The following SYN1 variants were observed in gnomAD, a reference collection of about 807,000 sequenced individuals.
The protein encoded by SYN1 is synapsin I.
In SYN1, 8 loss-of-function variants were observed where a neutral mutation model predicts 44.6. The observed-to-expected ratio is 0.18, with a 90% CI of 0.11 to 0.32. SYN1 has a LOEUF of 0.32. SYN1 is among the 10% of genes least tolerant of loss of function. SYN1 has a pLI of 1.00. For missense variants in SYN1, 451 were observed against 639.4 expected, an observed-to-expected ratio of 0.71 and a Z score of 3.18; for synonymous variants, 275 against 280.1, an observed-to-expected ratio of 0.98 and a Z score of 0.18.
intron 5 of SYN1, among the ~76,000 whole-genome samples, chrX:47,591,582 G>A (rs917317059): frequency 9.1e-6 from 1 of 110,294 alleles, no homozygotes; most frequent in African/African-American, 3.3e-5. Context: ...TTAGCTGGGT[G>A]TGGTGGGATG....
intron 12 of SYN1, 34 bp from the exon 13 acceptor site, chrX:47,573,033 G>A: frequency 8.3e-7 from 1 of 1,208,213 alleles, no homozygotes; most frequent in Non-Finnish European, 1.1e-6. Flanking sequence ...GTGGGAGGAA[G>A]GGGGAAGAGG....
chrX:47,604,137 G>A (rs1290636148), intron 5 of SYN1, among the ~76,000 whole-genome samples: 2 of 110,323 alleles, frequency 1.8e-5, no homozygotes, highest in Non-Finnish European at 3.8e-5. Flanking sequence ...TCAAACTCCC[G>A]ACCTCAGGTG....
At chrX:47,611,836 G>A (rs963273170) in intron 1 of SYN1, among the ~76,000 whole-genome samples, 2 of 111,542 alleles carry the variant, frequency 1.8e-5, no homozygotes, top group African/African-American at 6.5e-5. Context: ...AGTGGTCCAG[G>A]GCAGTAAACC....
chrX:47,575,479 G>A (rs2057774778), intron 9 of SYN1, among the ~76,000 whole-genome samples: 1 of 112,141 alleles, frequency 8.9e-6, no homozygotes, highest in Admixed American at 9.4e-5. Context: ...AGCAAATTAG[G>A]GCCCATGGGC....
intron 1 of SYN1, among the ~76,000 whole-genome samples, chrX:47,613,131 CAAAAAAAAAAAAAAA>C (rs752216661): frequency 2.7e-5 from 1 of 37,381 alleles, no homozygotes; most frequent in African/African-American, 1.1e-4. Flanking sequence ...ACTCCGTCTC[CAAAAAAAAAAAAAAA>C]AAAAAAAAAA....
intron 6 of SYN1, 77 bp downstream of exon 6, chrX:47,577,362 G>C: frequency 9.5e-7 from 1 of 1,056,113 alleles, no homozygotes; most frequent in Non-Finnish European, 1.3e-6. Flanking sequence ...CACCCCAGGA[G>C]ACGCGATCAC....
At chrX:47,606,033 C>T in intron 3 of SYN1, among the ~76,000 whole-genome samples, 1 of 109,995 alleles carries the variant, frequency 9.1e-6, no homozygotes, top group Non-Finnish European at 1.9e-5. Context: ...GCTGGGATTA[C>T]AGGCACCTGC....
intron 5 of SYN1, chrX:47,586,381 G>T: frequency 9.3e-7 from 1 of 1,080,808 alleles, no homozygotes; most frequent in Non-Finnish European, 1.2e-6. Context: ...CAATGGGAGG[G>T]GCTGTCCTGG....
chrX:47,585,767 T>G lies in SYN1; in HGVS notation c.775-8266A>C, dbSNP rs58842173. On this transcript the variant is annotated intron_variant, in intron 5 of 12. Coordinates refer to ENST00000295987, the MANE Select transcript of SYN1 (RefSeq NM_006950.3). ...GCTCCCTCTGGCTATTCTGTGTCCC[T>G]GTGGCTGCTCCCCAACCCTAAGGGC... is the stretch of plus-strand genomic sequence containing the variant. The G allele has an allele frequency of 6.3e-4, 729 of 1,165,933 alleles. 1 individual carries two copies. In the African/African-American group the frequency reaches 0.011, roughly 18 times the overall value.
Position 47,606,890 on chromosome X carries a change from A to C in SYN1, c.527+55T>G, listed in dbSNP as rs181063689. ...GAGGTAGGAACTTTCCCCCAGCTCT[A>C]AGGGAGAGTTCTTATGCCTTGCTCA... On this transcript the variant is annotated intron_variant, in intron 3 of 12. Transcript: ENST00000295987. 8.8e-4 allele frequency: 973 copies of C among 1,110,757 alleles called. 1 individual carries two copies. Among genetic ancestry groups the C allele is most frequent in the Non-Finnish European group, 1.1e-3 (924 of 810,185 alleles). 91.5% of individuals were successfully genotyped at this position (1,110,757 alleles called of 1,213,427 possible). A position where few individuals can be genotyped will look rare whatever the true frequency, so the allele number is the denominator to read the frequency against.
chrX:47,609,155 CT>C lies in SYN1; in HGVS notation c.378-1958del, dbSNP rs759341010. Among the ~76,000 whole-genome samples the C allele has an allele frequency of 5.4e-5, 6 of 111,355 alleles. No individual in the cohort carries two copies. The East Asian group carries it at 1.7e-3, about 32-fold the overall frequency. On this transcript the variant is annotated intron_variant, in intron 1 of 12. Transcript: ENST00000295987. ...TGAGGGTGTATCACTGTTTCTAAAA[CT>C]TTTCTGACCATAAGTGTAGTTGGAT... is the stretch of plus-strand genomic sequence containing the variant.
In SYN1 at chrX:47,582,444, C is replaced by T. The variant is rs771688119; in HGVS notation, c.775-4943G>A. 6.3e-5 allele frequency: 16 copies of T among 252,826 alleles called. No individual in the cohort carries two copies. In the East Asian group the frequency reaches 7.4e-4, roughly 12 times the overall value. 20.8% of individuals were successfully genotyped at this position (252,826 alleles called of 1,213,427 possible). ...AGCGCTCAGGCCCTGCCGCCATCGCCGCAGATCCAGCGCCCAGAGAGACAC... is the reference window on the plus strand; with the variant it reads ...AGCGCTCAGGCCCTGCCGCCATCGCTGCAGATCCAGCGCCCAGAGAGACAC... On this transcript the variant is annotated intron_variant, in intron 5 of 12. Coordinates refer to ENST00000295987, the MANE Select transcript of SYN1 (RefSeq NM_006950.3).
chrX:47,596,506 C>G (rs1327138406), intron 5 of SYN1, among the ~76,000 whole-genome samples: 2 of 112,342 alleles, frequency 1.8e-5, no homozygotes, highest in African/African-American at 6.5e-5. Flanking sequence ...TTGTAAACAG[C>G]CTGCCTTTGC....
intron 5 of SYN1, among the ~76,000 whole-genome samples, chrX:47,597,034 C>T (rs974079598): frequency 2.7e-5 from 3 of 111,893 alleles, no homozygotes; most frequent in African/African-American, 9.7e-5. Context: ...AGAGAAATTA[C>T]ATGAAAAAGA....
At chrX:47,605,948 G>A (rs73496261) in intron 3 of SYN1, among the ~76,000 whole-genome samples, 13 of 108,201 alleles carry the variant, frequency 1.2e-4, no homozygotes, top group African/African-American at 3.7e-4. Context: ...TTGTCCAGGC[G>A]CTGGAGCAAT....
intron 5 of SYN1, among the ~76,000 whole-genome samples, chrX:47,581,799 A>G (rs1305218510): frequency 9.0e-6 from 1 of 111,561 alleles, no homozygotes; most frequent in African/African-American, 3.3e-5. Context: ...GTGTTATTTG[A>G]GACCCTGGCT....
chrX:47,590,592 C>T (rs1022946658), intron 5 of SYN1, among the ~76,000 whole-genome samples: 1 of 111,826 alleles, frequency 8.9e-6, no homozygotes, highest in Admixed American at 9.4e-5. Context: ...CCTCCAGGTC[C>T]TTTGAGGGAT....
At chrX:47,586,585 A>G in intron 5 of SYN1, 1 of 1,211,823 alleles carries the variant, frequency 8.3e-7, no homozygotes, top group Non-Finnish European at 1.1e-6. Flanking sequence ...TGGACGGACC[A>G]GCTCCTCCAA....
intron 9 of SYN1, 100 bp downstream of exon 9, chrX:47,576,031 G>A (rs2057776469): frequency 4.6e-6 from 4 of 874,789 alleles, no homozygotes. Flanking sequence ...GCACATTGCT[G>A]TTGGCTGAGG....
Sources: allele counts gnomAD v4.1 joint callset (sites outside exome capture counted in the v4.1 genomes callset), GRCh38; gene constraint gnomAD v4.1.1; transcripts MANE v1.5; gene names NCBI Gene and HGNC (gene_info 2026-07-23, HGNC 2026-07-21).